Variants in TMEM267 observed in about 807,000 individuals in gnomAD.
TMEM267 encodes transmembrane protein 267, also known as transmembrane protein C5orf28.
A neutral mutation model predicts 19.3 loss-of-function variants in TMEM267; 20 were observed. The observed-to-expected ratio is 1.04, with a 90% CI of 0.73 to 1.51. The LOEUF (loss-of-function observed/expected upper bound fraction) is 1.51. TMEM267 is among the 40% of genes most tolerant of loss of function. The pLI is 0.00. For synonymous variants in TMEM267, 88 were observed against 90.3 expected (o/e 0.97, Z 0.15); for missense variants, 242 against 261.9 (o/e 0.92, Z 0.52).
At position 43,475,799 on chromosome 5, in the gene TMEM267, T is replaced by C. The variant is rs746202726; in HGVS notation, c.-75+8023A>G. ...CAATATAATAGCAATAATCATAAGA[T>C]GGGAAAATGAACATTCACAACAGCA... On this transcript the variant is annotated intron_variant, in intron 1 of 2. Coordinates refer to ENST00000397080, the MANE Select transcript of TMEM267 (RefSeq NM_022483.5). Among the ~76,000 whole-genome samples, 7 of 152,004 alleles carry C rather than the reference T, an allele frequency of 4.6e-5. No homozygotes were observed. In the South Asian group the frequency reaches 8.3e-4, roughly 18 times the overall value.
At chr5:43,475,363 C>T (rs151122968) in intron 1 of TMEM267, among the ~76,000 whole-genome samples, 15 of 150,996 alleles carry the variant, frequency 9.9e-5, no homozygotes, top group Admixed American at 8.6e-4. Context: ...AGGGGAATAC[C>T]AGGGCCTATA....
At chr5:43,483,551 C>G (rs1449399329) in intron 1 of TMEM267, among the ~76,000 whole-genome samples, 1 of 152,170 alleles carries the variant, frequency 6.6e-6, no homozygotes, top group Non-Finnish European at 1.5e-5. Context: ...TTCTAGGGAT[C>G]TAGAAAAAGC....
Position 43,444,354 on chromosome 5 carries a change from C to T in TMEM267, c.*1868G>A, listed in dbSNP as rs1413290443. On this transcript the variant is annotated 3_prime_UTR_variant, in exon 3 of 3. Coordinates refer to ENST00000397080, the MANE Select transcript of TMEM267 (RefSeq NM_022483.5). ...GCAGTGGCCCCATCTCAGCTCACTA[C>T]AACCTCTGCCTCCCAGGTTCAAGCC... is the stretch of plus-strand genomic sequence containing the variant. 1 of 152,202 alleles carries T rather than the reference C, an allele frequency of 6.6e-6. No homozygotes were observed. Among genetic ancestry groups the T allele is most frequent in the Non-Finnish European group, 1.5e-5 (1 of 68,046 alleles). The allele number at this position is 152,202 out of a possible 1,614,324, so 9.4% of individuals were successfully genotyped here. A position where few individuals can be genotyped will look rare whatever the true frequency, so the allele number is the denominator to read the frequency against.
chr5:43,464,704 G>A (rs533035942), intron 1 of TMEM267, among the ~76,000 whole-genome samples: 306 of 152,362 alleles, frequency 2.0e-3, no homozygotes, highest in Middle Eastern at 0.01. Context: ...AAGAAATGGG[G>A]GAAGGATTCC....
At chr5:43,456,820 T>C (rs938326175) in intron 1 of TMEM267, among the ~76,000 whole-genome samples, 5 of 152,242 alleles carry the variant, frequency 3.3e-5, no homozygotes, top group Non-Finnish European at 7.3e-5. Flanking sequence ...TATGACTATT[T>C]TGGAAAAACA....
At chr5:43,462,527 A>T (rs1283482963) in intron 1 of TMEM267, among the ~76,000 whole-genome samples, 1 of 152,226 alleles carries the variant, frequency 6.6e-6, no homozygotes, top group African/African-American at 2.4e-5. Flanking sequence ...AATTCAAAGA[A>T]ATTCAAGATA....
At chr5:43,466,341 G>A (rs1036040772) in intron 1 of TMEM267, among the ~76,000 whole-genome samples, 2 of 152,166 alleles carry the variant, frequency 1.3e-5, no homozygotes, top group African/African-American at 2.4e-5. Flanking sequence ...GGAGACAGTG[G>A]TATGACATCT....
intron 1 of TMEM267, among the ~76,000 whole-genome samples, chr5:43,472,203 T>C (rs767871837): frequency 1.3e-5 from 2 of 152,216 alleles, no homozygotes; most frequent in African/African-American, 4.8e-5. Context: ...CTCAGTATTT[T>C]TGATCATCAG....
intron 1 of TMEM267, among the ~76,000 whole-genome samples, chr5:43,468,299 C>T (rs1175047660): frequency 2.0e-5 from 3 of 152,104 alleles, no homozygotes; most frequent in Non-Finnish European, 2.9e-5. Context: ...CTGGGAACTG[C>T]GGATATAGCT....
chr5:43,451,521 G>A lies in TMEM267; in HGVS notation c.312+2137C>T, dbSNP rs375643864. Among the ~76,000 whole-genome samples, 213 of 152,204 alleles carry A rather than the reference G, an allele frequency of 1.4e-3. 1 individual carries two copies. The highest frequency in any genetic ancestry group is 4.9e-3 in the African/African-American group (204 of 41,546). On this transcript the variant is annotated intron_variant, in intron 2 of 2. Coordinates refer to ENST00000397080, the MANE Select transcript of TMEM267 (RefSeq NM_022483.5). Reference sequence around the variant, plus strand: ...AAATGCTCCATATCACTAATAATCAGAGAAATGCAAATTAAAACCACAATG... The same window carrying A: ...AAATGCTCCATATCACTAATAATCAAAGAAATGCAAATTAAAACCACAATG...
chr5:43,475,422 G>A (rs1204165058), intron 1 of TMEM267, among the ~76,000 whole-genome samples: 1 of 152,180 alleles, frequency 6.6e-6, no homozygotes, highest in Non-Finnish European at 1.5e-5. Context: ...AATACCTAAT[G>A]TAGATGACAG....
chr5:43,448,603 C>T (rs967458615), intron 2 of TMEM267, among the ~76,000 whole-genome samples: 1 of 152,034 alleles, frequency 6.6e-6, no homozygotes, highest in Non-Finnish European at 1.5e-5. Context: ...ATGAAGAAAC[C>T]CCGTTTCTAC....
chr5:43,481,091 A>G (rs1029666646), intron 1 of TMEM267, among the ~76,000 whole-genome samples: 3 of 147,928 alleles, frequency 2.0e-5, no homozygotes, highest in Admixed American at 6.8e-5. Flanking sequence ...GGCGTGAGCC[A>G]CTGCGCCCGG....
chr5:43,464,590 A>G (rs1743510629), intron 1 of TMEM267, among the ~76,000 whole-genome samples: 1 of 152,286 alleles, frequency 6.6e-6, no homozygotes, highest in Admixed American at 6.5e-5. Flanking sequence ...ACAGCATGGT[A>G]CTGGTACCAA....
In TMEM267 at chr5:43,444,682, A is replaced by C. The variant is rs917292984; in HGVS notation, c.*1540T>G. The C allele has an allele frequency of 6.6e-5, 10 of 152,118 alleles. No homozygotes were observed. The highest frequency in any genetic ancestry group is 2.4e-4 in the African/African-American group (10 of 41,442). The allele number at this position is 152,118 out of a possible 1,614,324, so 9.4% of individuals were successfully genotyped here. On this transcript the variant is annotated 3_prime_UTR_variant, in exon 3 of 3. Coordinates refer to ENST00000397080, the MANE Select transcript of TMEM267 (RefSeq NM_022483.5). ...TTTTGCAATTTAGTCAGGAATTGTT[A>C]CACAAGATACAGACTTTATTTCCAT...
At chr5:43,454,283 A>T (rs1240775729) in intron 1 of TMEM267, among the ~76,000 whole-genome samples, 2 of 150,640 alleles carry the variant, frequency 1.3e-5, no homozygotes, top group Admixed American at 6.6e-5. Flanking sequence ...AAAGCCCACC[A>T]ACTGCAATCT....
At chr5:43,481,034 G>A (rs1744730224) in intron 1 of TMEM267, among the ~76,000 whole-genome samples, 1 of 149,912 alleles carries the variant, frequency 6.7e-6, no homozygotes, top group African/African-American at 2.5e-5. Context: ...TCGATCTCCT[G>A]ACTTCGTGAT....
chr5:43,478,735 T>C (rs1248904202), intron 1 of TMEM267, among the ~76,000 whole-genome samples: 1 of 152,022 alleles, frequency 6.6e-6, no homozygotes, highest in African/African-American at 2.4e-5. Flanking sequence ...AAAGACAATT[T>C]GGAAAAGAAA....
chr5:43,469,461 C>T (rs927742181), intron 1 of TMEM267, among the ~76,000 whole-genome samples: 5 of 152,084 alleles, frequency 3.3e-5, no homozygotes, highest in African/African-American at 1.2e-4. Context: ...TCAACATACG[C>T]AAATCAATCA....
Sources: allele counts gnomAD v4.1 joint callset (sites outside exome capture counted in the v4.1 genomes callset), GRCh38; gene constraint gnomAD v4.1.1; transcripts MANE v1.5; gene names NCBI Gene and HGNC (gene_info 2026-07-23, HGNC 2026-07-21).